Variants in CATSPERE observed in about 807,000 individuals in gnomAD.
CATSPERE encodes the protein cation channel sperm-associated auxiliary subunit epsilon.
Under a neutral mutation model 114.1 loss-of-function variants are expected in CATSPERE, and 93 were observed. That is an observed-to-expected ratio of 0.81 (90% CI 0.69 to 0.97). The LOEUF (loss-of-function observed/expected upper bound fraction) is 0.97. Ranked by LOEUF, CATSPERE falls within the 50% of genes least tolerant of loss-of-function variation. CATSPERE has a pLI of 0.00. For missense variants in CATSPERE, 1,058 were observed against 1,131.6 expected, an observed-to-expected ratio of 0.93 and a Z score of 0.93; for synonymous variants, 341 against 384.1, an observed-to-expected ratio of 0.89 and a Z score of 1.31.
chr1:244,639,667 A>G, intron 21 of CATSPERE, among the ~76,000 whole-genome samples: 1 of 122,700 alleles, frequency 8.1e-6, no homozygotes. Context: ...TGACAGAGGG[A>G]GACTCCATCT....
rs557083432 is a variant in CATSPERE, at chr1:244,583,648, T to A, written c.2010-216T>A. Among the ~76,000 whole-genome samples, 11 of 152,244 alleles carry A rather than the reference T, an allele frequency of 7.2e-5. No individual in the cohort carries two copies. In the East Asian group the frequency reaches 1.9e-3, roughly 27 times the overall value. ...ATGGTGGCCAAAACATGGGATACGATGAGGTGGGAGCAACTTTACAATAGG... is the reference window on the plus strand; with the variant it reads ...ATGGTGGCCAAAACATGGGATACGAAGAGGTGGGAGCAACTTTACAATAGG... On this transcript the variant is annotated intron_variant, in intron 12 of 21. Coordinates refer to ENST00000366534, the MANE Select transcript of CATSPERE (RefSeq NM_001130957.2).
chr1:244,583,756 G>A, intron 12 of CATSPERE, 108 bp from the exon 13 acceptor site: 1 of 901,284 alleles, frequency 1.1e-6, no homozygotes, highest in Non-Finnish European at 1.7e-6. Flanking sequence ...ATTGGCGTGG[G>A]AGGTCAATCA....
Position 244,573,461 on chromosome 1 carries a change from C to T in CATSPERE, c.1950+689C>T, listed in dbSNP as rs780867264. 4.2e-5 allele frequency among the ~76,000 whole-genome samples: 6 copies of T among 143,574 alleles called. No homozygotes were observed. Among genetic ancestry groups the T allele is most frequent in the Non-Finnish European group, 6.2e-5 (4 of 64,658 alleles). 94.2% of individuals were successfully genotyped at this position (143,574 alleles called of 152,430 possible). A position where few individuals can be genotyped will look rare whatever the true frequency, so the allele number is the denominator to read the frequency against. ...ACAAAACAAAAAAACCAATTCTATCCGTCAATAGTTTGGGCTGTGAGTAGC... is the reference window on the plus strand; with the variant it reads ...ACAAAACAAAAAAACCAATTCTATCTGTCAATAGTTTGGGCTGTGAGTAGC... On this transcript the variant is annotated intron_variant, in intron 11 of 21. Coordinates refer to ENST00000366534, the MANE Select transcript of CATSPERE (RefSeq NM_001130957.2). The surrounding 1 kb of genome is among the most constrained non-coding windows in gnomAD (Gnocchi z 4.0).
At chr1:244,543,898 A>G (rs1005993520) in intron 8 of CATSPERE, among the ~76,000 whole-genome samples, 1 of 152,026 alleles carries the variant, frequency 6.6e-6, no homozygotes, top group Non-Finnish European at 1.5e-5. Flanking sequence ...GATAAAGCTA[A>G]CTCACACCTT....
intron 18 of CATSPERE, among the ~76,000 whole-genome samples, chr1:244,608,113 T>A (rs761171299): frequency 1.3e-5 from 2 of 152,086 alleles, no homozygotes; most frequent in South Asian, 2.1e-4. Flanking sequence ...TCTAAAAAAA[T>A]AATAATAATA....
chr1:244,585,708 C>G (rs1666926867), intron 13 of CATSPERE, among the ~76,000 whole-genome samples: 1 of 152,224 alleles, frequency 6.6e-6, no homozygotes, highest in Non-Finnish European at 1.5e-5. Flanking sequence ...CTTGCTAAAC[C>G]TGCTGGACCG....
upstream of CATSPERE, chr1:244,452,058 G>A: frequency 5.5e-6 from 2 of 363,280 alleles, no homozygotes; most frequent in Non-Finnish European, 9.8e-6. Context: ...CCCGCAGGAA[G>A]AGGCCCTGGT....
intron 9 of CATSPERE, among the ~76,000 whole-genome samples, chr1:244,559,386 A>G (rs1314067136): frequency 6.6e-6 from 1 of 152,240 alleles, no homozygotes; most frequent in Non-Finnish European, 1.5e-5. Flanking sequence ...TTCAGTATAC[A>G]CTAAATATTT....
chr1:244,524,576 C>T (rs1316954550), intron 8 of CATSPERE, among the ~76,000 whole-genome samples: 7 of 152,060 alleles, frequency 4.6e-5, no homozygotes, highest in South Asian at 4.2e-4. Flanking sequence ...AGAAAATTTT[C>T]ACAACCTACT....
At chr1:244,586,833 G>A (rs1667094640) in intron 13 of CATSPERE, among the ~76,000 whole-genome samples, 1 of 152,170 alleles carries the variant, frequency 6.6e-6, no homozygotes, top group African/African-American at 2.4e-5. Context: ...CTGGAGCCAG[G>A]TGGAAATGGA....
intron 8 of CATSPERE, among the ~76,000 whole-genome samples, chr1:244,534,873 G>A (rs766739584): frequency 3.3e-5 from 5 of 152,196 alleles, no homozygotes; most frequent in Non-Finnish European, 5.9e-5. Context: ...GTTTATTGTC[G>A]ACTTCACAGT....
upstream of CATSPERE, among the ~76,000 whole-genome samples, chr1:244,456,835 C>T (rs899814261): frequency 4.6e-5 from 7 of 152,100 alleles, no homozygotes; most frequent in East Asian, 1.9e-4. Context: ...CTTACTTATC[C>T]GGTTTTTCAC....
intron 19 of CATSPERE, 165 bp downstream of exon 19, chr1:244,610,491 T>A (rs1670567740): frequency 1.4e-6 from 1 of 699,174 alleles, no homozygotes; most frequent in East Asian, 2.7e-5. Flanking sequence ...ATGCTTCATC[T>A]TAATTTCTGT....
At chr1:244,629,327 A>T (rs150982575) in intron 20 of CATSPERE, among the ~76,000 whole-genome samples, 1 of 152,152 alleles carries the variant, frequency 6.6e-6, no homozygotes, top group African/African-American at 2.4e-5. Context: ...GTCCCTCTGC[A>T]TATTTGGAGA....
Position 244,568,493 on chromosome 1 carries a change from A to G in CATSPERE, c.1508-3837A>G, listed in dbSNP as rs548156371. On this transcript the variant is annotated intron_variant, in intron 10 of 21. Coordinates refer to ENST00000366534, the MANE Select transcript of CATSPERE (RefSeq NM_001130957.2). The surrounding 1 kb of genome is among the most constrained non-coding windows in gnomAD (Gnocchi z 4.4). ...TCCCAGGGAGATGAGGGTTTTATCT[A>G]TAAGCCCCTGAGTGGGGCTGCTGCC... 1.2e-3 allele frequency among the ~76,000 whole-genome samples: 182 copies of G among 152,310 alleles called. No homozygotes were observed. Among genetic ancestry groups the G allele is most frequent in the Non-Finnish European group, 2.0e-3 (134 of 68,020 alleles).
Position 244,611,305 on chromosome 1 carries a change from G to A in CATSPERE, c.2490+979G>A, listed in dbSNP as rs137984004. ...CTTTTCTACTGTTTAAAAATCATAA[G>A]GGGGCCAGGCATGGTGGCTCACACC... is the stretch of plus-strand genomic sequence containing the variant. On this transcript the variant is annotated intron_variant, in intron 19 of 21. Transcript: ENST00000366534. Among the ~76,000 whole-genome samples, 925 of 152,082 alleles carry A rather than the reference G, an allele frequency of 6.1e-3. 12 individuals carry two copies. Among genetic ancestry groups the A allele is most frequent in the African/African-American group, 0.022 (893 of 41,488 alleles).
intron 7 of CATSPERE, among the ~76,000 whole-genome samples, chr1:244,499,456 A>G (rs1410624148): frequency 6.7e-6 from 1 of 149,272 alleles, no homozygotes; most frequent in East Asian, 2.0e-4. Context: ...TCAGCCCTGT[A>G]TGCATTAGGT....
Position 244,560,599 on chromosome 1 carries a change from A to G in CATSPERE, c.1030-69A>G, listed in dbSNP as rs150714874. 5.9e-4 allele frequency: 533 copies of G among 905,842 alleles called. 2 individuals carry two copies. The African/African-American group carries it at 8.3e-3, about 14-fold the overall frequency. The allele number at this position is 905,842 out of a possible 1,614,324, so 56.1% of individuals were successfully genotyped here. On this transcript the variant is annotated intron_variant, in intron 9 of 21. Transcript: ENST00000366534. ...AATAAAAAATAAAATTTAAATTTTA[A>G]AAAAGAGAAATTGTTAGGCCCGTCT... is the stretch of plus-strand genomic sequence containing the variant.
intron 2 of CATSPERE, among the ~76,000 whole-genome samples, chr1:244,469,287 A>T (rs955201621): frequency 6.6e-6 from 1 of 152,228 alleles, no homozygotes; most frequent in African/African-American, 2.4e-5. Context: ...TATGGAGTAC[A>T]TATAAGGAAT....
Sources: allele counts gnomAD v4.1 joint callset (sites outside exome capture counted in the v4.1 genomes callset), GRCh38; gene constraint gnomAD v4.1.1; non-coding constraint Gnocchi (gnomAD v3.1); transcripts MANE v1.5; gene names NCBI Gene and HGNC (gene_info 2026-07-23, HGNC 2026-07-21).